PRIM2: variants seen among roughly 807,000 people sequenced by gnomAD.
PRIM2 encodes the protein DNA primase large subunit.
A neutral mutation model predicts 67.3 loss-of-function variants in PRIM2; 39 were observed. The observed-to-expected ratio is 0.58, with a 90% CI of 0.45 to 0.76. The LOEUF is 0.76. Ranked by LOEUF, PRIM2 falls within the 30% of genes least tolerant of loss-of-function variation. The probability of loss-of-function intolerance (pLI) is 0.00; values close to 1 mark genes in which losing one functional copy is unlikely to be tolerated. For missense variants in PRIM2, 398 were observed against 598.7 expected (o/e 0.66, Z 3.50); for synonymous variants, 143 against 198.7 (o/e 0.72, Z 2.36).
At chr6:57,362,485 A>G (rs1203714667) in intron 5 of PRIM2, among the ~76,000 whole-genome samples, 3 of 151,954 alleles carry the variant, frequency 2.0e-5, no homozygotes, top group East Asian at 1.9e-4. Flanking sequence ...TTTTTGTACT[A>G]TGCTACTGTT....
chr6:57,576,957 T>A (rs2127483447), intron 10 of PRIM2, among the ~76,000 whole-genome samples: 1 of 151,820 alleles, frequency 6.6e-6, no homozygotes, highest in East Asian at 1.9e-4. Flanking sequence ...TATTGTAATT[T>A]GTATAGTTTT....
the PRIM2 span, among the ~76,000 whole-genome samples, chr6:57,259,742 T>C: frequency 1.3e-5 from 2 of 152,192 alleles, no homozygotes; most frequent in African/African-American, 4.8e-5. Flanking sequence ...TGATGATGGC[T>C]CACCAAGTCC....
At chr6:57,341,121 C>T (rs1312418505) in intron 5 of PRIM2, among the ~76,000 whole-genome samples, 2 of 152,012 alleles carry the variant, frequency 1.3e-5, no homozygotes, top group South Asian at 2.1e-4. Context: ...GATTAATATC[C>T]GTATGTATAC....
intron 10 of PRIM2, among the ~76,000 whole-genome samples, chr6:57,561,475 C>T (rs1775628502): frequency 1.3e-5 from 2 of 152,318 alleles, no homozygotes; most frequent in East Asian, 1.9e-4. Context: ...TCAGGCAATC[C>T]GTCCTCCTCG....
chr6:57,473,153 G>C (rs1271301297), intron 7 of PRIM2, among the ~76,000 whole-genome samples: 1 of 152,084 alleles, frequency 6.6e-6, no homozygotes, highest in Non-Finnish European at 1.5e-5. Flanking sequence ...CCTGTCTTTT[G>C]GAATCTCATC....
At position 57,507,378 on chromosome 6, in the gene PRIM2, T is replaced by A; in HGVS notation, c.694-9T>A. 1 of 1,510,818 alleles carries A rather than the reference T, an allele frequency of 6.6e-7. No homozygotes were observed. The highest frequency in any genetic ancestry group is 8.9e-7 in the Non-Finnish European group (1 of 1,127,088). The allele number at this position is 1,510,818 out of a possible 1,614,324, so 93.6% of individuals were successfully genotyped here. A position where few individuals can be genotyped will look rare whatever the true frequency, so the allele number is the denominator to read the frequency against. On this transcript the variant is annotated splice_polypyrimidine_tract_variant and intron_variant, in intron 7 of 13. Transcript: ENST00000615550. ...TGCTGTTTTTACTAATTTTCTTCCC[T>A]GCTTTTAGTTAACAGCCAGGTCCTT...
chr6:57,466,217 A>G (rs1198640476), intron 7 of PRIM2, among the ~76,000 whole-genome samples: 2 of 152,162 alleles, frequency 1.3e-5, no homozygotes, highest in Middle Eastern at 3.2e-3. Flanking sequence ...TATCAAGTCT[A>G]TCATTGATGG....
At chr6:57,334,485 TA>T (rs1330956631) in intron 5 of PRIM2, among the ~76,000 whole-genome samples, 1 of 152,118 alleles carries the variant, frequency 6.6e-6, no homozygotes, top group Non-Finnish European at 1.5e-5. Context: ...GGAACTTTCA[TA>T]TTGTTTTTCA....
chr6:57,318,359 AT>A, intron 1 of PRIM2, 77 bp from the exon 2 acceptor site: 1 of 1,377,112 alleles, frequency 7.3e-7, no homozygotes, highest in Non-Finnish European at 9.8e-7. Context: ...TTGTGGAATT[AT>A]TTTTTCGTGT....
chr6:57,459,183 T>C (rs1288451369), intron 7 of PRIM2, among the ~76,000 whole-genome samples: 2 of 152,212 alleles, frequency 1.3e-5, no homozygotes, highest in African/African-American at 4.8e-5. Context: ...ATGTTAATAA[T>C]GCCTATCTCA....
intron 5 of PRIM2, among the ~76,000 whole-genome samples, chr6:57,329,848 C>T (rs1006677697): frequency 1.3e-5 from 2 of 152,096 alleles, no homozygotes; most frequent in African/African-American, 4.8e-5. Flanking sequence ...AATTTTATTC[C>T]ATTGATCTGT....
chr6:57,590,856 C>T (rs1776270892), intron 10 of PRIM2, among the ~76,000 whole-genome samples: 3 of 152,176 alleles, frequency 2.0e-5, no homozygotes, highest in Non-Finnish European at 4.4e-5. Flanking sequence ...ACTTAATCCC[C>T]AAGTCAACCC....
intron 7 of PRIM2, among the ~76,000 whole-genome samples, chr6:57,464,392 C>T (rs912763514): frequency 6.6e-6 from 1 of 152,018 alleles, no homozygotes; most frequent in African/African-American, 2.4e-5. Flanking sequence ...ATTCTCCTTC[C>T]TCAGCCTCCC....
intron 7 of PRIM2, among the ~76,000 whole-genome samples, chr6:57,482,591 T>A (rs2127406204): frequency 6.6e-6 from 1 of 152,302 alleles, no homozygotes; most frequent in African/African-American, 2.4e-5. Context: ...GATTTTTTCT[T>A]TTTTTAAACA....
At chr6:57,246,909 C>T in the PRIM2 span, among the ~76,000 whole-genome samples, 2 of 150,740 alleles carry the variant, frequency 1.3e-5, no homozygotes, top group African/African-American at 4.9e-5. Context: ...GGCTAGAGTG[C>T]GGTGGCGCGA....
At chr6:57,497,279 C>G (rs1255708237) in intron 7 of PRIM2, among the ~76,000 whole-genome samples, 5 of 152,106 alleles carry the variant, frequency 3.3e-5, no homozygotes, top group Non-Finnish European at 7.4e-5. Context: ...CCTTGAGGAG[C>G]CTCAGAGATA....
the PRIM2 span, among the ~76,000 whole-genome samples, chr6:57,262,666 C>T: frequency 2.0e-5 from 3 of 152,132 alleles, no homozygotes; most frequent in South Asian, 2.1e-4. Flanking sequence ...TCCATTTGGC[C>T]TCTGTGGTGC....
At chr6:57,573,063 AT>A (rs1775891371) in intron 10 of PRIM2, among the ~76,000 whole-genome samples, 1 of 152,216 alleles carries the variant, frequency 6.6e-6, no homozygotes, top group Non-Finnish European at 1.5e-5. Flanking sequence ...GGCTCAAGCA[AT>A]CCTTCTGCCT....
chr6:57,232,181 T>G, the PRIM2 span, among the ~76,000 whole-genome samples: 3 of 152,376 alleles, frequency 2.0e-5, no homozygotes, highest in Admixed American at 2.0e-4. Flanking sequence ...GTTGTATTAA[T>G]GATGGTTATA....
Sources: gnomAD v4.1 joint callset for allele counts (sites outside exome capture counted in the v4.1 genomes callset) on GRCh38, gnomAD v4.1.1 for gene constraint, MANE v1.5 for transcripts, NCBI Gene and HGNC (gene_info 2026-07-23, HGNC 2026-07-21) for gene names.